RGS17: variants seen among roughly 807,000 people sequenced by gnomAD.
RGS17 encodes regulator of G-protein signaling 17.
In RGS17, 12 loss-of-function variants were observed where a neutral mutation model predicts 25.5. The ratio of observed to expected loss-of-function variants is 0.47; its 90% CI spans 0.30 to 0.76. RGS17 has a LOEUF of 0.76. RGS17 is among the 30% of genes least tolerant of loss of function. RGS17 has a pLI of 0.07. For synonymous variants in RGS17, 71 were observed against 76.9 expected, an observed-to-expected ratio of 0.92 and a Z score of 0.40; for missense variants, 196 against 242.2, an observed-to-expected ratio of 0.81 and a Z score of 1.27.
chr6:153,125,166 G>A (rs1777686597), intron 1 of RGS17, among the ~76,000 whole-genome samples: 1 of 152,142 alleles, frequency 6.6e-6, no homozygotes, highest in East Asian at 1.9e-4. Context: ...TATAACCTGT[G>A]TATTTCAACA....
Position 153,011,729 on chromosome 6 carries a change from T to C in RGS17, c.478A>G (p.Asn160Asp). The change falls in exon 5 of 5, where the codon AAT becomes GAT. Residue 160 changes from asparagine (N) to aspartate (D), a missense_variant. Physicochemically the swap from Asn to Asp is conservative, Grantham distance 23 (BLOSUM62 1). Coordinates refer to ENST00000206262, the MANE Select transcript of RGS17 (RefSeq NM_012419.5). ...SLDSRVREVI[N>D]RNLLDPNPHM... ...GGATTGGGATCCAACAGATTTCTAT[T>C]GATCACCTCTCTAACTCGAGAATCA... 1 of 1,612,124 alleles carries C rather than the reference T, an allele frequency of 6.2e-7. No individual in the cohort carries two copies. Among genetic ancestry groups the C allele is most frequent in the African/African-American group, 1.3e-5 (1 of 74,896 alleles).
intron 1 of RGS17, among the ~76,000 whole-genome samples, chr6:153,100,496 T>G (rs1335358181): frequency 6.6e-6 from 1 of 151,800 alleles, no homozygotes; most frequent in Non-Finnish European, 1.5e-5. Context: ...ACTATCACTC[T>G]ATATCCTATA....
intron 1 of RGS17, among the ~76,000 whole-genome samples, chr6:153,089,846 T>C (rs1777102001): frequency 6.6e-6 from 1 of 152,190 alleles, no homozygotes; most frequent in Non-Finnish European, 1.5e-5. Context: ...TTTTATAGCA[T>C]GCTGGTTAAT....
intron 2 of RGS17, among the ~76,000 whole-genome samples, chr6:153,031,808 G>T (rs931919071): frequency 6.6e-6 from 1 of 152,184 alleles, no homozygotes; most frequent in Admixed American, 6.5e-5. Context: ...TCACTCCATA[G>T]GAGCTGTTGC....
At chr6:153,112,343 A>G (rs1458095704) in intron 1 of RGS17, among the ~76,000 whole-genome samples, 2 of 152,230 alleles carry the variant, frequency 1.3e-5, no homozygotes, top group Non-Finnish European at 2.9e-5. Flanking sequence ...GATCAACTTA[A>G]TGAAATAAAA....
At position 153,054,034 on chromosome 6, in the gene RGS17, CATATATATGTATATATGTATATA is replaced by C. The variant is rs1562321516; in HGVS notation, c.-25-10014_-25-9992del. 6.7e-3 allele frequency among the ~76,000 whole-genome samples: 344 copies of C among 51,580 alleles called. 4 individuals carry two copies. Among genetic ancestry groups the C allele is most frequent in the African/African-American group, 0.027 (321 of 11,968 alleles). 33.8% of individuals were successfully genotyped at this position (51,580 alleles called of 152,430 possible). A position where few individuals can be genotyped will look rare whatever the true frequency, so the allele number is the denominator to read the frequency against. On this transcript the variant is annotated intron_variant, in intron 1 of 4. Transcript: ENST00000206262. ...CGTATATATGTATATAATATATATA[CATATATATGTATATATGTATATA>C]ATATATATACATATATATATACACA...
In RGS17 at chr6:153,054,074, A is replaced by ATG. The variant is rs1562321609; in HGVS notation, c.-25-10032_-25-10031insCA. ...ATGTATATAATATATATACATATAT[A>ATG]TATACACACAATATTTTTTATATAT... On this transcript the variant is annotated intron_variant, in intron 1 of 4. Transcript: ENST00000206262. 9.3e-4 allele frequency among the ~76,000 whole-genome samples: 47 copies of ATG among 50,682 alleles called. 3 individuals carry two copies. Among genetic ancestry groups the ATG allele is most frequent in the Non-Finnish European group, 1.4e-3 (39 of 28,322 alleles). The allele number at this position is 50,682 out of a possible 152,430, so 33.2% of individuals were successfully genotyped here.
chr6:153,021,830 T>C (rs594902), intron 4 of RGS17, among the ~76,000 whole-genome samples: 64,714 of 151,930 alleles, frequency 0.43, 13,928 homozygotes, highest in South Asian at 0.54. Flanking sequence ...CATTAGTGTA[T>C]GTCATTCTGG....
At chr6:153,062,152 C>T (rs967967010) in intron 1 of RGS17, among the ~76,000 whole-genome samples, 11 of 133,654 alleles carry the variant, frequency 8.2e-5, no homozygotes, top group Admixed American at 3.4e-4. Flanking sequence ...AAGAAGAGCA[C>T]GTCATAAGAA....
intron 1 of RGS17, among the ~76,000 whole-genome samples, chr6:153,051,110 G>T (rs888609861): frequency 6.6e-6 from 1 of 152,298 alleles, no homozygotes. Context: ...AGAACTGTGA[G>T]AAATAAATGT....
intron 2 of RGS17, among the ~76,000 whole-genome samples, chr6:153,034,203 G>A (rs1307328233): frequency 3.3e-5 from 5 of 152,100 alleles, no homozygotes; most frequent in African/African-American, 1.2e-4. Context: ...GAATGTGCGG[G>A]GCTTCCTTGA....
In RGS17 at chr6:153,020,100, T is replaced by TTAA. The variant is rs1333650446; in HGVS notation, c.444+4161_444+4162insTTA. Among the ~76,000 whole-genome samples the TTAA allele has an allele frequency of 1.8e-3, 79 of 44,986 alleles. 1 individual carries two copies. The highest frequency in any genetic ancestry group is 3.8e-3 in the African/African-American group (44 of 11,644). The allele number at this position is 44,986 out of a possible 152,430, so 29.5% of individuals were successfully genotyped here. On this transcript the variant is annotated intron_variant, in intron 4 of 4. Coordinates refer to ENST00000206262, the MANE Select transcript of RGS17 (RefSeq NM_012419.5). The stretch of plus-strand genomic sequence containing the variant: ...TGTCACCTCCTAATTGCAAATATCT[T>TTAA]AAAAAAAAAAAATATATATATATAT...
chr6:153,025,726 A>G lies in RGS17; in HGVS notation c.209+728T>C, dbSNP rs145802247. On this transcript the variant is annotated intron_variant, in intron 3 of 4. Coordinates refer to ENST00000206262, the MANE Select transcript of RGS17 (RefSeq NM_012419.5). ...CATATATATATAAACATATATATAA[A>G]CATATATATGGTAAATACATATACA... Among the ~76,000 whole-genome samples, 1,154 of 147,944 alleles carry G rather than the reference A, an allele frequency of 7.8e-3. 17 individuals carry two copies. Among genetic ancestry groups the G allele is most frequent in the African/African-American group, 0.025 (1,031 of 40,742 alleles).
chr6:153,060,889 C>G (rs1270764367), intron 1 of RGS17, among the ~76,000 whole-genome samples: 1 of 152,034 alleles, frequency 6.6e-6, no homozygotes, highest in Non-Finnish European at 1.5e-5. Context: ...TATTTTGATG[C>G]TAGTATTTTG....
chr6:153,021,641 A>G (rs115843409), intron 4 of RGS17, among the ~76,000 whole-genome samples: 1,604 of 152,318 alleles, frequency 0.011, 41 homozygotes, highest in African/African-American at 0.036. Flanking sequence ...TGGCACTTCA[A>G]TGGTCTATTA....
At chr6:153,015,382 A>AT (rs913710417) in intron 4 of RGS17, among the ~76,000 whole-genome samples, 21 of 152,222 alleles carry the variant, frequency 1.4e-4, no homozygotes, top group African/African-American at 4.8e-4. Flanking sequence ...AAGTCAATCG[A>AT]TGTGGCAAAC....
intron 1 of RGS17, among the ~76,000 whole-genome samples, chr6:153,060,801 T>G (rs1320095394): frequency 6.6e-6 from 1 of 152,090 alleles, no homozygotes; most frequent in Non-Finnish European, 1.5e-5. Flanking sequence ...TCACAATAAA[T>G]CTATCTTGCA....
At chr6:153,021,260 G>A (rs1779245241) in intron 4 of RGS17, among the ~76,000 whole-genome samples, 1 of 152,116 alleles carries the variant, frequency 6.6e-6, no homozygotes. Context: ...TCTAATTCCG[G>A]TATAATCAGG....
At chr6:153,124,487 C>T (rs12210108) in intron 1 of RGS17, among the ~76,000 whole-genome samples, 16,873 of 152,126 alleles carry the variant, frequency 0.11, 1,031 homozygotes, top group East Asian at 0.18. Flanking sequence ...GTTTCTTGTA[C>T]CTATTTTGAT....
Sources: gnomAD v4.1 joint callset for allele counts (sites outside exome capture counted in the v4.1 genomes callset) on GRCh38, gnomAD v4.1.1 for gene constraint, MANE v1.5 for transcripts, NCBI Gene and HGNC (gene_info 2026-07-23, HGNC 2026-07-21) for gene names.